THEMIS: variants seen among roughly 807,000 people sequenced by gnomAD.
THEMIS encodes thymocyte selection associated.
THEMIS carries 37 observed loss-of-function variants against 52.6 expected under a neutral mutation model. That is an observed-to-expected ratio of 0.70 (90% CI 0.54 to 0.93). THEMIS has a LOEUF of 0.93. THEMIS is among the 40% of genes least tolerant of loss of function. THEMIS has a pLI of 0.00. For synonymous variants in THEMIS, 292 were observed against 272.7 expected (o/e 1.07, Z -0.70); for missense variants, 808 against 763.1 (o/e 1.06, Z -0.69).
At chr6:127,825,141 A>C (rs1254129262) in intron 3 of THEMIS, among the ~76,000 whole-genome samples, 1 of 152,146 alleles carries the variant, frequency 6.6e-6, no homozygotes. Context: ...AAAGACAAAA[A>C]GATATAAAAT....
intron 4 of THEMIS, among the ~76,000 whole-genome samples, chr6:127,760,329 C>T (rs999725729): frequency 6.6e-6 from 1 of 152,048 alleles, no homozygotes; most frequent in Non-Finnish European, 1.5e-5. Flanking sequence ...TTGCCTCCAG[C>T]TTTATTCTTT....
chr6:127,786,642 A>G (rs1776957938), intron 4 of THEMIS, among the ~76,000 whole-genome samples: 1 of 152,152 alleles, frequency 6.6e-6, no homozygotes, highest in African/African-American at 2.4e-5. Flanking sequence ...GAAAATTGAG[A>G]AAAAGGGAGA....
chr6:127,901,135 T>C (rs775172546), upstream of THEMIS: 171 of 584,572 alleles, frequency 2.9e-4, no homozygotes, highest in Non-Finnish European at 4.6e-4. Context: ...CAAAAAATGT[T>C]ATAGCTCTTT....
intron 4 of THEMIS, among the ~76,000 whole-genome samples, chr6:127,742,227 A>ATC (rs1314989005): frequency 6.6e-6 from 1 of 151,596 alleles, no homozygotes; most frequent in East Asian, 1.9e-4. Flanking sequence ...AGGCAAGAGA[A>ATC]TCACTTGAAC....
Position 127,742,058 on chromosome 6 carries a change from C to T in THEMIS, c.1759-22235G>A, listed in dbSNP as rs146322165. Among the ~76,000 whole-genome samples the T allele has an allele frequency of 1.1e-3, 167 of 152,174 alleles. No individual in the cohort carries two copies. In the Middle Eastern group the frequency reaches 0.017, roughly 15 times the overall value. Reference sequence around the variant, plus strand: ...GAGTATGGTGGCTCACACCTGTAATCCCAGCAATTTGAGAGGCTGAGGTAG... The same window carrying T: ...GAGTATGGTGGCTCACACCTGTAATTCCAGCAATTTGAGAGGCTGAGGTAG... On this transcript the variant is annotated intron_variant, in intron 4 of 5. Transcript: ENST00000368248.
chr6:127,847,749 C>T (rs1046153061), intron 2 of THEMIS, among the ~76,000 whole-genome samples: 7 of 151,662 alleles, frequency 4.6e-5, no homozygotes, highest in Non-Finnish European at 8.8e-5. Context: ...AATGCAATTC[C>T]CATCAAAATA....
At chr6:127,876,371 G>A (rs1780313913) in intron 1 of THEMIS, among the ~76,000 whole-genome samples, 1 of 152,190 alleles carries the variant, frequency 6.6e-6, no homozygotes, top group Admixed American at 6.5e-5. Flanking sequence ...CATTGATGCA[G>A]AAAAATAGGG....
Position 127,708,525 on chromosome 6 carries a change from T to C in THEMIS, c.*1460A>G. ...GAGTCTAAAAACACCTATGGTGCAGTTTGTCAAGGCTGTTAGGTTAAGATT... is the reference window on the plus strand; with the variant it reads ...GAGTCTAAAAACACCTATGGTGCAGCTTGTCAAGGCTGTTAGGTTAAGATT... On this transcript the variant is annotated 3_prime_UTR_variant, in exon 6 of 6. Coordinates refer to ENST00000368248, the MANE Select transcript of THEMIS (RefSeq NM_001010923.3). 6.6e-6 allele frequency: 1 copy of C among 152,030 alleles called. No homozygotes were observed. Among genetic ancestry groups the C allele is most frequent in the East Asian group, 1.9e-4 (1 of 5,178 alleles). The allele number at this position is 152,030 out of a possible 1,614,324, so 9.4% of individuals were successfully genotyped here. A position where few individuals can be genotyped will look rare whatever the true frequency, so the allele number is the denominator to read the frequency against.
intron 3 of THEMIS, among the ~76,000 whole-genome samples, chr6:127,823,176 T>C (rs1214438814): frequency 6.6e-6 from 1 of 152,100 alleles, no homozygotes; most frequent in Non-Finnish European, 1.5e-5. Context: ...GCATGATATT[T>C]CTATTAGCAA....
chr6:127,746,869 A>C (rs1409541306), intron 4 of THEMIS, among the ~76,000 whole-genome samples: 1 of 61,598 alleles, frequency 1.6e-5, no homozygotes, highest in Non-Finnish European at 2.6e-5. Context: ...TTATATAATT[A>C]TATTATATAT....
In THEMIS at chr6:127,909,536, C is replaced by T. The variant is rs149171353; in HGVS notation, c.-149-8455G>A. Among the ~76,000 whole-genome samples the T allele has an allele frequency of 1.2e-3, 183 of 152,212 alleles. 1 individual carries two copies. The East Asian group carries it at 0.017, about 14-fold the overall frequency. ...ATGATTGTAAGTTTCCTGAGGCTTC[C>T]CCAGCCCTGTGGAACTGTGAATCAA... On this transcript the variant is annotated intron_variant, in intron 1 of 6. Transcript: ENST00000368250.
intron 2 of THEMIS, among the ~76,000 whole-genome samples, chr6:127,841,811 G>A (rs990882596): frequency 2.6e-5 from 4 of 151,954 alleles, no homozygotes; most frequent in Non-Finnish European, 5.9e-5. Context: ...TTCTTGCATA[G>A]TTTATACAAA....
chr6:127,764,673 T>C (rs180904972), intron 4 of THEMIS, among the ~76,000 whole-genome samples: 3 of 152,164 alleles, frequency 2.0e-5, no homozygotes, highest in Non-Finnish European at 4.4e-5. Context: ...AACCAGACTA[T>C]GGCTCAAGAA....
At chr6:127,815,370 C>T (rs72969618) in intron 3 of THEMIS, among the ~76,000 whole-genome samples, 11,627 of 151,804 alleles carry the variant, frequency 0.077, 609 homozygotes, top group Non-Finnish European at 0.11. Flanking sequence ...ACAGAATATC[C>T]TCTTATAAAA....
intron 3 of THEMIS, among the ~76,000 whole-genome samples, chr6:127,821,278 T>G (rs1050650255): frequency 2.0e-5 from 3 of 151,956 alleles, no homozygotes; most frequent in Admixed American, 2.0e-4. Flanking sequence ...GAGTACAAGC[T>G]AAATTAGAAA....
intron 1 of THEMIS, among the ~76,000 whole-genome samples, chr6:127,879,623 GA>G (rs965851911): frequency 5.8e-4 from 69 of 119,576 alleles, no homozygotes; most frequent in Admixed American, 6.3e-4. Flanking sequence ...GTGTCACTCT[GA>G]AAAAAAAAAA....
At chr6:127,732,030 T>C (rs1040785460) in intron 4 of THEMIS, among the ~76,000 whole-genome samples, 1 of 150,536 alleles carries the variant, frequency 6.6e-6, no homozygotes, top group Non-Finnish European at 1.5e-5. Flanking sequence ...CTCGTAAGAG[T>C]TAACATTAAT....
intron 3 of THEMIS, among the ~76,000 whole-genome samples, chr6:127,814,820 T>C (rs1399439254): frequency 2.6e-5 from 4 of 152,210 alleles, no homozygotes. Flanking sequence ...GTTCCTCATA[T>C]ACCACCCAAC....
chr6:127,761,828 A>G (rs1430942689), intron 4 of THEMIS, among the ~76,000 whole-genome samples: 1 of 152,138 alleles, frequency 6.6e-6, no homozygotes, highest in Non-Finnish European at 1.5e-5. Context: ...CACAGCCATT[A>G]TGGAAAACAG....
Sources: allele counts gnomAD v4.1 joint callset (sites outside exome capture counted in the v4.1 genomes callset), GRCh38; gene constraint gnomAD v4.1.1; transcripts MANE v1.5; gene names NCBI Gene and HGNC (gene_info 2026-07-23, HGNC 2026-07-21).